The following AKAP12 variants were observed in gnomAD, a reference collection of about 807,000 sequenced individuals.
The protein encoded by AKAP12 is A-kinase anchoring protein 12, also known as A-kinase anchor protein 12.
AKAP12 carries 32 observed loss-of-function variants against 79.9 expected under a neutral mutation model. The observed-to-expected ratio is 0.40, with a 90% CI of 0.30 to 0.54. The LOEUF is 0.54. AKAP12 is among the 20% of genes least tolerant of loss of function. The pLI, the probability that AKAP12 is intolerant of heterozygous loss-of-function variation, is 0.48. For synonymous variants in AKAP12, 808 were observed against 857.0 expected (o/e 0.94, Z 1.00); for missense variants, 2,074 against 2,177.0 (o/e 0.95, Z 0.94).
At chr6:151,264,979 TTTCTTGACAAAAAGACAAAAAA>T (rs1250389019) in intron 2 of AKAP12, among the ~76,000 whole-genome samples, 1 of 151,974 alleles carries the variant, frequency 6.6e-6, no homozygotes, top group Non-Finnish European at 1.5e-5. Context: ...GGTGAAACCC[TTTCTTGACAAAAAGACAAAAAA>T]TTAGCCGGGC....
intron 3 of AKAP12, among the ~76,000 whole-genome samples, chr6:151,308,965 C>G (rs1030638829): frequency 2.0e-5 from 3 of 152,126 alleles, no homozygotes; most frequent in Non-Finnish European, 4.4e-5. Flanking sequence ...GTTTCCATCT[C>G]CCGGGTTCAA....
Position 151,351,926 on chromosome 6 carries a change from G to A in AKAP12, c.3535G>A (p.Asp1179Asn), listed in dbSNP as rs747371302. The A allele has an allele frequency of 6.8e-6, 11 of 1,614,036 alleles. No homozygotes were observed. Among genetic ancestry groups the A allele is most frequent in the African/African-American group, 5.3e-5 (4 of 74,918 alleles). ...GACTGATGGAAGCACCCCCGTAGCC[G>A]ACTTTGACGCACCAGGCACAACCCA... Reference protein sequence around the residue: ...SETDGSTPVADFDAPGTTQKD... With the variant: ...SETDGSTPVANFDAPGTTQKD... Residue 1179 changes from aspartate (D) to asparagine (N), a missense_variant, in exon 4 of 5, where the codon GAC becomes AAC. This residue lies in a region of AKAP12 where 32 missense variants were observed against 60.4 expected (regional missense o/e 0.53). Transcript: ENST00000402676. The surrounding 1 kb of genome is among the most constrained non-coding windows in gnomAD (Gnocchi z 4.4).
intron 3 of AKAP12, among the ~76,000 whole-genome samples, chr6:151,314,382 A>G (rs1465070463): frequency 6.6e-6 from 1 of 152,228 alleles, no homozygotes; most frequent in Non-Finnish European, 1.5e-5. Flanking sequence ...TTAATTAAAC[A>G]AAAAGTTCAA....
intron 2 of AKAP12, among the ~76,000 whole-genome samples, chr6:151,258,701 A>G (rs1296083886): frequency 6.6e-6 from 1 of 152,048 alleles, no homozygotes; most frequent in Non-Finnish European, 1.5e-5. Flanking sequence ...GCTGGAGTGC[A>G]GTGGCACTAT....
rs137883741 is a variant in AKAP12 at position 151,246,706 on chromosome 6, A to G, written c.162+5982A>G. 7.1e-3 allele frequency among the ~76,000 whole-genome samples: 1,077 copies of G among 152,306 alleles called. 8 individuals carry two copies. The highest frequency in any genetic ancestry group is 0.024 in the African/African-American group (1,015 of 41,574). ...TCTGGCTGTCAGAGCATGAAAGGCT[A>G]TGGTTTGTTTCACTGTTAATTAATT... is the stretch of plus-strand genomic sequence containing the variant. On this transcript the variant is annotated intron_variant, in intron 2 of 4. Coordinates refer to ENST00000402676, the MANE Select transcript of AKAP12 (RefSeq NM_005100.4).
chr6:151,320,292 T>C (rs1052219135), intron 3 of AKAP12, among the ~76,000 whole-genome samples: 1 of 151,844 alleles, frequency 6.6e-6, no homozygotes, highest in African/African-American at 2.4e-5. Context: ...TTTTTTGTTT[T>C]TGTTTTTTAT....
chr6:151,250,857 C>T (rs945257603), intron 2 of AKAP12, among the ~76,000 whole-genome samples: 2 of 152,016 alleles, frequency 1.3e-5, no homozygotes, highest in Admixed American at 6.5e-5. Context: ...CCACCCGCCT[C>T]GGCCTCCCAA....
intron 2 of AKAP12, among the ~76,000 whole-genome samples, chr6:151,268,115 A>G (rs1197098072): frequency 6.6e-6 from 1 of 152,198 alleles, no homozygotes; most frequent in East Asian, 1.9e-4. Context: ...AGTAACCGTT[A>G]TTAAAACAGT....
rs117826068 is a variant in AKAP12, at chr6:151,251,532, T to C, written c.162+10808T>C. Among the ~76,000 whole-genome samples, 27 of 152,242 alleles carry C rather than the reference T, an allele frequency of 1.8e-4. No individual in the cohort carries two copies. In the East Asian group the frequency reaches 4.6e-3, roughly 26 times the overall value. On this transcript the variant is annotated intron_variant, in intron 2 of 4. Transcript: ENST00000402676. Reference sequence around the variant, plus strand: ...TCACAAACAATGAGATTTTAAGAGTTGGAAGATGGAGTACCTCTATTTCTC... The same window carrying C: ...TCACAAACAATGAGATTTTAAGAGTCGGAAGATGGAGTACCTCTATTTCTC...
intron 4 of AKAP12, 107 bp downstream of exon 4, chr6:151,353,859 C>T (rs935080319): frequency 1.4e-6 from 1 of 718,126 alleles, no homozygotes; most frequent in Non-Finnish European, 2.3e-6. Flanking sequence ...CGTGTAGAAC[C>T]TTCAGTTGAG....
At position 151,355,160 on chromosome 6, in the gene AKAP12, C is replaced by T. The variant is rs1459239160; in HGVS notation, c.*13-567C>T. On this transcript the variant is annotated intron_variant, in intron 4 of 4. Transcript: ENST00000402676. ...ACAGATAACACACCACCATGCCCAG[C>T]TTAGTTTTGTATTTTTAGTAGAGAC... Among the ~76,000 whole-genome samples the T allele has an allele frequency of 2.0e-5, 3 of 151,452 alleles. No individual in the cohort carries two copies. The East Asian group carries it at 5.8e-4, about 30-fold the overall frequency.
chr6:151,320,728 A>C (rs1777359787), intron 3 of AKAP12, among the ~76,000 whole-genome samples: 1 of 152,236 alleles, frequency 6.6e-6, no homozygotes, highest in South Asian at 2.1e-4. Flanking sequence ...TCCTCCCGTC[A>C]TCACAGCCTG....
At chr6:151,323,765 G>T in intron 3 of AKAP12, 1 of 985,322 alleles carries the variant, frequency 1.0e-6, no homozygotes, top group Non-Finnish European at 1.2e-6. Flanking sequence ...GTTAGAATTT[G>T]GACTGATAGA....
At position 151,334,175 on chromosome 6, in the gene AKAP12, T is replaced by G. The variant is rs560398649; in HGVS notation, c.320-14536T>G. On this transcript the variant is annotated intron_variant, in intron 3 of 4. Transcript: ENST00000402676. Reference sequence around the variant, plus strand: ...TTTACATGGTGCAAATAAAGAAAACTAGAAGATAGGGAGTTAACTTGAGAC... The same window carrying G: ...TTTACATGGTGCAAATAAAGAAAACGAGAAGATAGGGAGTTAACTTGAGAC... Among the ~76,000 whole-genome samples the G allele has an allele frequency of 5.9e-5, 9 of 152,158 alleles. No homozygotes were observed. The South Asian group carries it at 1.7e-3, about 28-fold the overall frequency.
chr6:151,285,398 G>GTT (rs1254352966), intron 2 of AKAP12, among the ~76,000 whole-genome samples: 1,034 of 94,042 alleles, frequency 0.011, 16 homozygotes, highest in African/African-American at 0.032. Flanking sequence ...GTGTGTGTGT[G>GTT]TGTGTGTGTG....
chr6:151,277,594 T>TTAGG (rs1776310572), intron 2 of AKAP12, among the ~76,000 whole-genome samples: 1 of 152,200 alleles, frequency 6.6e-6, no homozygotes, highest in African/African-American at 2.4e-5. Context: ...GAGTTAACTA[T>TTAGG]TAGGGCTTAC....
chr6:151,353,160 C>A lies in AKAP12; in HGVS notation c.4769C>A (p.Ala1590Asp). The A allele has an allele frequency of 6.2e-7, 1 of 1,614,156 alleles. No homozygotes were observed. Among genetic ancestry groups the A allele is most frequent in the East Asian group, 2.2e-5 (1 of 44,884 alleles). Residue 1590 changes from alanine to aspartate, a missense_variant, in exon 4 of 5, where the codon GCT (alanine) becomes GAT (aspartate). Physicochemically the swap from Ala to Asp is moderately radical, Grantham distance 126 (BLOSUM62 -2). Coordinates refer to ENST00000402676, the MANE Select transcript of AKAP12 (RefSeq NM_005100.4). The part of the protein sequence containing the change: ...AHVIKADSQD[A>D]GQETEKEGEE... ...GTGATAAAAGCTGACAGCCAGGACGCTGGACAGGAAACGGAGAAAGAAGGA... is the reference window on the plus strand; with the variant it reads ...GTGATAAAAGCTGACAGCCAGGACGATGGACAGGAAACGGAGAAAGAAGGA...
intron 2 of AKAP12, among the ~76,000 whole-genome samples, chr6:151,273,753 G>A (rs1352353618): frequency 6.6e-6 from 1 of 152,140 alleles, no homozygotes; most frequent in Non-Finnish European, 1.5e-5. Context: ...AGGCCAGTTG[G>A]GCGCAGTGGC....
At chr6:151,287,941 A>C (rs1467446606) in intron 2 of AKAP12, among the ~76,000 whole-genome samples, 1 of 152,074 alleles carries the variant, frequency 6.6e-6, no homozygotes, top group African/African-American at 2.4e-5. Flanking sequence ...GGAAACCATC[A>C]TTCTCAGCAA....
Sources: gnomAD v4.1 joint callset for allele counts (sites outside exome capture counted in the v4.1 genomes callset) on GRCh38, gnomAD v4.1.1 for gene constraint, gnomAD v4.1.1 regional missense constraint, Gnocchi (gnomAD v3.1) non-coding constraint, MANE v1.5 for transcripts, NCBI Gene and HGNC (gene_info 2026-07-23, HGNC 2026-07-21) for gene names.